Variants in DOCK1 observed in about 807,000 individuals in gnomAD.
DOCK1 encodes dedicator of cytokinesis 1.
In DOCK1, 138 loss-of-function variants were observed where a neutral mutation model predicts 262.7. That is an observed-to-expected ratio of 0.53 (90% CI 0.46 to 0.61). The LOEUF is 0.61. DOCK1 is among the 20% of genes least tolerant of loss of function. The pLI, the probability that DOCK1 is intolerant of heterozygous loss-of-function variation, is 0.00. For missense variants in DOCK1, 1,908 were observed against 2,370.7 expected, an observed-to-expected ratio of 0.80 and a Z score of 4.05; for synonymous variants, 866 against 867.4, an observed-to-expected ratio of 1.00 and a Z score of 0.03.
At chr10:127,055,029 C>A (rs1443233729) in intron 22 of DOCK1, among the ~76,000 whole-genome samples, 2 of 152,140 alleles carry the variant, frequency 1.3e-5, no homozygotes, top group African/African-American at 2.4e-5. Context: ...TTTCAAAATA[C>A]AAATGGCACA....
At chr10:127,426,148 T>TCAGC in intron 47 of DOCK1, 137 bp downstream of exon 47, 1 of 1,450,614 alleles carries the variant, frequency 6.9e-7, no homozygotes, top group Admixed American at 2.0e-5. Context: ...GTGAGGGAGC[T>TCAGC]CAGCCCCCTT....
At position 127,126,051 on chromosome 10, in the gene DOCK1, G is replaced by T. The variant is rs35698489; in HGVS notation, c.2751+450G>T. 4.0e-5 allele frequency among the ~76,000 whole-genome samples: 6 copies of T among 151,346 alleles called. No homozygotes were observed. In the East Asian group the frequency reaches 7.8e-4, roughly 20 times the overall value. On this transcript the variant is annotated intron_variant, in intron 26 of 51. Coordinates refer to ENST00000623213, the MANE Select transcript of DOCK1 (RefSeq NM_001290223.2). The stretch of plus-strand genomic sequence containing the variant: ...CCTCCCCTCAGGCTCTCTTCCCCTA[G>T]GTCAGTGCTTTGCTTTTGTAGCTCT...
rs2069784368 is a variant in DOCK1 at position 127,437,625 on chromosome 10, C to A, written c.5061-1402C>A. ...TCCTGAGTAGCTGGGACTATAGGTG[C>A]ACACCACCATGCCCAGCTAATTTTT... On this transcript the variant is annotated intron_variant, in intron 48 of 51. Coordinates refer to ENST00000623213, the MANE Select transcript of DOCK1 (RefSeq NM_001290223.2). This position sits in a 1 kb window ranked among gnomAD's most constrained non-coding sequence, Gnocchi z 4.4. Among the ~76,000 whole-genome samples, 1 of 152,104 alleles carries A rather than the reference C, an allele frequency of 6.6e-6. No individual in the cohort carries two copies. Among genetic ancestry groups the A allele is most frequent in the African/African-American group, 2.4e-5 (1 of 41,432 alleles).
intron 1 of DOCK1, among the ~76,000 whole-genome samples, chr10:126,940,656 A>C (rs891310532): frequency 7.2e-5 from 11 of 152,118 alleles, no homozygotes; most frequent in Non-Finnish European, 1.6e-4. Context: ...CACCCACCTC[A>C]GCCTCCCAAA....
At chr10:126,916,862 G>C (rs1251079437) in intron 1 of DOCK1, among the ~76,000 whole-genome samples, 1 of 152,016 alleles carries the variant, frequency 6.6e-6, no homozygotes, top group East Asian at 1.9e-4. Flanking sequence ...CTCGAGGCCA[G>C]TGGTGTTTCA....
At chr10:126,935,764 C>CGCCT (rs1463876413) in intron 1 of DOCK1, among the ~76,000 whole-genome samples, 1 of 152,222 alleles carries the variant, frequency 6.6e-6, no homozygotes, top group African/African-American at 2.4e-5. Flanking sequence ...GCCTTGGGAT[C>CGCCT]GCCTGGTTCC....
At chr10:127,384,969 T>C in intron 38 of DOCK1, 60 bp downstream of exon 38, 1 of 1,444,914 alleles carries the variant, frequency 6.9e-7, no homozygotes, top group Non-Finnish European at 9.1e-7. Flanking sequence ...CCTGCAGTGT[T>C]GTAAACACGT....
At chr10:127,018,647 C>T (rs982612960) in intron 12 of DOCK1, 63 bp from the exon 13 acceptor site, 26 of 1,608,820 alleles carry the variant, frequency 1.6e-5, no homozygotes, top group African/African-American at 1.3e-4. Flanking sequence ...AAATTGGTTT[C>T]GTGAAAACTT....
chr10:127,318,498 G>C (rs2062380340), intron 29 of DOCK1, among the ~76,000 whole-genome samples: 1 of 152,182 alleles, frequency 6.6e-6, no homozygotes, highest in African/African-American at 2.4e-5. Context: ...AGAGGCAGCA[G>C]CATGTGCAAG....
At chr10:127,185,710 G>A (rs1020698816) in intron 27 of DOCK1, among the ~76,000 whole-genome samples, 7 of 152,140 alleles carry the variant, frequency 4.6e-5, no homozygotes, top group African/African-American at 9.7e-5. Flanking sequence ...AGTTTTGTTC[G>A]TTGAGGTAAA....
At chr10:127,426,613 TC>T (rs1435237372) in intron 47 of DOCK1, among the ~76,000 whole-genome samples, 1 of 152,140 alleles carries the variant, frequency 6.6e-6, no homozygotes, top group Non-Finnish European at 1.5e-5. Context: ...GGGAAAGGAC[TC>T]CCTCAACAGA....
chr10:127,182,602 A>G (rs907896027), intron 27 of DOCK1, among the ~76,000 whole-genome samples: 1 of 152,222 alleles, frequency 6.6e-6, no homozygotes, highest in African/African-American at 2.4e-5. Flanking sequence ...GTGAAAATCA[A>G]CTGGAAAATA....
At chr10:127,325,842 T>C (rs1424255060) in intron 29 of DOCK1, among the ~76,000 whole-genome samples, 1 of 152,214 alleles carries the variant, frequency 6.6e-6, no homozygotes, top group Non-Finnish European at 1.5e-5. Context: ...ACTCTTTGAA[T>C]GTTCAGTCAA....
intron 27 of DOCK1, among the ~76,000 whole-genome samples, chr10:127,194,655 C>A (rs1471304546): frequency 6.6e-6 from 1 of 152,164 alleles, no homozygotes; most frequent in Non-Finnish European, 1.5e-5. Context: ...CCAGCGCAGT[C>A]ACTCTGACAG....
Position 127,175,678 on chromosome 10 carries a change from G to T in DOCK1, c.2847+47914G>T. The T allele has an allele frequency of 6.2e-7, 1 of 1,613,736 alleles. No individual in the cohort carries two copies. The highest frequency in any genetic ancestry group is 8.5e-7 in the Non-Finnish European group (1 of 1,179,972). On this transcript the variant is annotated intron_variant, in intron 27 of 51. Coordinates refer to ENST00000623213, the MANE Select transcript of DOCK1 (RefSeq NM_001290223.2). The surrounding 1 kb of genome is among the most constrained non-coding windows in gnomAD (Gnocchi z 6.3). ...ACCCTCCTGAGGGCAGGTGGAGCGG[G>T]CTCCTCGGAGTTTGGCCTCCCCCGG...
chr10:127,374,880 G>A (rs2065402438), intron 35 of DOCK1, among the ~76,000 whole-genome samples: 1 of 152,194 alleles, frequency 6.6e-6, no homozygotes, highest in African/African-American at 2.4e-5. Context: ...GCTTTCTAGG[G>A]GAACGTTGTC....
chr10:127,145,670 G>C (rs1439025500), intron 27 of DOCK1, among the ~76,000 whole-genome samples: 1 of 152,122 alleles, frequency 6.6e-6, no homozygotes, highest in African/African-American at 2.4e-5. Context: ...AGAGACATGG[G>C]TGACGTCCCG....
intron 28 of DOCK1, among the ~76,000 whole-genome samples, chr10:127,249,542 C>G (rs902002856): frequency 6.6e-6 from 1 of 151,872 alleles, no homozygotes; most frequent in Admixed American, 6.6e-5. Context: ...TAGTGTGTAC[C>G]CTTACTTAAA....
At chr10:127,428,903 T>TGGG (rs2069047320) in intron 47 of DOCK1, among the ~76,000 whole-genome samples, 5 of 114,198 alleles carry the variant, frequency 4.4e-5, no homozygotes, top group Non-Finnish European at 5.5e-5. Flanking sequence ...CCGTGTGGAT[T>TGGG]GAGCCGTGTG....
Sources: gnomAD v4.1 joint callset for allele counts (sites outside exome capture counted in the v4.1 genomes callset) on GRCh38, gnomAD v4.1.1 for gene constraint, Gnocchi (gnomAD v3.1) non-coding constraint, MANE v1.5 for transcripts, NCBI Gene and HGNC (gene_info 2026-07-23, HGNC 2026-07-21) for gene names.